The following XKR9 variants were observed in gnomAD, a reference collection of about 807,000 sequenced individuals.
XKR9 encodes XK-related protein 9.
In XKR9, 32 loss-of-function variants were observed where a neutral mutation model predicts 32.0. That is an observed-to-expected ratio of 1.00 (90% CI 0.76 to 1.34). The LOEUF (loss-of-function observed/expected upper bound fraction) is 1.34. Ranked by LOEUF, XKR9 falls within the 40% of genes most tolerant of loss-of-function variation. The pLI, the probability that XKR9 is intolerant of heterozygous loss-of-function variation, is 0.00. For missense variants in XKR9, 546 were observed against 429.7 expected (o/e 1.27, Z -2.39); for synonymous variants, 168 against 143.4 (o/e 1.17, Z -1.22).
At chr8:70,908,840 A>G in the XKR9 span, among the ~76,000 whole-genome samples, 1 of 152,242 alleles carries the variant, frequency 6.6e-6, no homozygotes, top group African/African-American at 2.4e-5. Flanking sequence ...AGTCATATTT[A>G]GTCCATGGGC....
rs1051547596 is a variant in XKR9 at position 70,744,949 on chromosome 8, C to T, written n.352+37796C>T. Among the ~76,000 whole-genome samples, 4 of 150,048 alleles carry T rather than the reference C, an allele frequency of 2.7e-5. No individual in the cohort carries two copies. The East Asian group carries it at 7.7e-4, about 29-fold the overall frequency. ...TGATATAGTTTTTTAAAAAGTCTAG[C>T]CTAAATGTTTTTCAGCTTTAGCTCA... On this transcript the variant is annotated intron_variant and non_coding_transcript_variant, in intron 2 of 3. Transcript: ENST00000520273.
chr8:70,809,093 A>G, the XKR9 span, among the ~76,000 whole-genome samples: 21 of 152,178 alleles, frequency 1.4e-4, no homozygotes, highest in African/African-American at 5.1e-4. Flanking sequence ...CCTCTGAGAC[A>G]AAACTTCCAG....
chr8:70,767,741 T>C (rs889900243), intron 2 of XKR9, among the ~76,000 whole-genome samples: 11 of 152,068 alleles, frequency 7.2e-5, no homozygotes, highest in South Asian at 2.1e-4. Context: ...GACCTCGTTT[T>C]CTGCCTGTTT....
the XKR9 span, among the ~76,000 whole-genome samples, chr8:70,813,297 A>T: frequency 1.3e-5 from 2 of 152,362 alleles, no homozygotes; most frequent in Admixed American, 6.5e-5. Context: ...TTAATTCAAG[A>T]TGGATTAAAG....
rs903688000 is a variant in XKR9, at chr8:70,734,194, A to G, written c.892A>G (p.Thr298Ala). The stretch of plus-strand genomic sequence containing the variant: ...TTATTATATTGTTAGGGTACTGGGC[A>G]CTTTGGGGATATTGACTGTATTCTG... ...SCYYIVRVLG[T>A]LGILTVFWVC... is the part of the protein sequence containing the mutation. The change falls in exon 5 of 5, where the codon ACT (threonine) becomes GCT (alanine). Residue 298 changes from threonine (T) to alanine (A), a missense_variant. Physicochemically the swap from Thr to Ala is moderately conservative, Grantham distance 58 (BLOSUM62 0). Transcript: ENST00000408926. The G allele has an allele frequency of 1.2e-6, 2 of 1,613,498 alleles. No homozygotes were observed. Among genetic ancestry groups the G allele is most frequent in the African/African-American group, 1.3e-5 (1 of 75,026 alleles).
intron 2 of XKR9, among the ~76,000 whole-genome samples, chr8:70,786,454 C>A (rs995452894): frequency 1.3e-5 from 2 of 152,058 alleles, no homozygotes; most frequent in Admixed American, 6.6e-5. Flanking sequence ...TATTTAGATG[C>A]TCTGATGTTG....
At chr8:70,847,680 A>G in the XKR9 span, among the ~76,000 whole-genome samples, 1 of 151,988 alleles carries the variant, frequency 6.6e-6, no homozygotes, top group African/African-American at 2.4e-5. Flanking sequence ...ATCATCAGAG[A>G]TTATTATGTT....
At chr8:70,774,793 C>G (rs952248970) in intron 2 of XKR9, among the ~76,000 whole-genome samples, 2 of 152,138 alleles carry the variant, frequency 1.3e-5, no homozygotes, top group African/African-American at 2.4e-5. Context: ...AAAAATATAA[C>G]TATAAATATT....
chr8:70,887,664 G>T, the XKR9 span, among the ~76,000 whole-genome samples: 1 of 151,874 alleles, frequency 6.6e-6, no homozygotes, highest in Non-Finnish European at 1.5e-5. Context: ...GTATTCCTAG[G>T]TATTTTATTT....
At chr8:70,764,546 G>A (rs979811355) in intron 2 of XKR9, among the ~76,000 whole-genome samples, 1 of 152,212 alleles carries the variant, frequency 6.6e-6, no homozygotes, top group East Asian at 1.9e-4. Context: ...AAGATGACCA[G>A]ATCTGCCTCT....
At chr8:70,697,130 CAG>C (rs1278818681) in intron 3 of XKR9, among the ~76,000 whole-genome samples, 1 of 150,386 alleles carries the variant, frequency 6.6e-6, no homozygotes, top group East Asian at 1.9e-4. Flanking sequence ...CATCTGCAAA[CAG>C]GGACAATTTG....
chr8:70,951,574 T>G, the XKR9 span, among the ~76,000 whole-genome samples: 1 of 152,392 alleles, frequency 6.6e-6, no homozygotes, highest in African/African-American at 2.4e-5. Context: ...GAAATTTGTC[T>G]TTTATTTGAG....
At chr8:70,722,964 G>A (rs1806332879) in intron 4 of XKR9, among the ~76,000 whole-genome samples, 1 of 151,836 alleles carries the variant, frequency 6.6e-6, no homozygotes, top group African/African-American at 2.4e-5. Context: ...TTTTCACAGA[G>A]TCCCATATTT....
chr8:71,041,076 C>T, the XKR9 span, among the ~76,000 whole-genome samples: 2 of 152,050 alleles, frequency 1.3e-5, no homozygotes, highest in Non-Finnish European at 2.9e-5. Context: ...ATGACTTGCT[C>T]ACATGGTGGT....
At chr8:70,861,501 T>A in the XKR9 span, among the ~76,000 whole-genome samples, 1 of 139,700 alleles carries the variant, frequency 7.2e-6, no homozygotes, top group Non-Finnish European at 1.6e-5. Context: ...AAAAAAAAAA[T>A]TAGTGCAGTG....
chr8:70,692,296 T>A (rs540399216), intron 3 of XKR9, among the ~76,000 whole-genome samples: 2 of 152,296 alleles, frequency 1.3e-5, no homozygotes, highest in South Asian at 2.1e-4. Flanking sequence ...AAGTTGTTTA[T>A]CAGCTGAAGG....
the XKR9 span, among the ~76,000 whole-genome samples, chr8:70,967,065 C>CTTTTTTTTTTTTTTTTTTTTT: frequency 4.9e-4 from 50 of 101,242 alleles, 6 homozygotes; most frequent in African/African-American, 1.2e-3. Flanking sequence ...GATCTTGACT[C>CTTTTTTTTTTTTTTTTTTTTT]TTTTTTTTTT....
chr8:70,812,329 A>T, the XKR9 span, among the ~76,000 whole-genome samples: 1 of 152,228 alleles, frequency 6.6e-6, no homozygotes, highest in Admixed American at 6.5e-5. Context: ...ACCCACAGCC[A>T]ATATCAGACT....
chr8:70,988,329 T>A, the XKR9 span, among the ~76,000 whole-genome samples: 1 of 100,398 alleles, frequency 1.0e-5, no homozygotes, highest in African/African-American at 4.0e-5. Context: ...TTACCATGCG[T>A]GGTTAAAAAA....
Sources: allele counts gnomAD v4.1 joint callset (sites outside exome capture counted in the v4.1 genomes callset), GRCh38; gene constraint gnomAD v4.1.1; transcripts MANE v1.5; gene names NCBI Gene and HGNC (gene_info 2026-07-23, HGNC 2026-07-21).